Variants in CTCF observed in about 807,000 individuals in gnomAD.
CTCF encodes the protein transcriptional repressor CTCF.
CTCF carries 7 observed loss-of-function variants against 72.3 expected under a neutral mutation model. The observed-to-expected ratio is 0.10, with a 90% confidence interval of 0.06 to 0.18. The LOEUF (loss-of-function observed/expected upper bound fraction) is 0.18, where lower values mean the gene tolerates loss of function less well. Ranked by LOEUF, CTCF falls within the 10% of genes least tolerant of loss-of-function variation. The pLI, the probability that CTCF is intolerant of heterozygous loss-of-function variation, is 1.00. For missense variants in CTCF, 516 were observed against 949.1 expected (o/e 0.54, Z 6.00); for synonymous variants, 374 against 315.8 (o/e 1.18, Z -1.95).
At chr16:67,622,316 A>G (rs1158501069) in intron 7 of CTCF, among the ~76,000 whole-genome samples, 2 of 151,580 alleles carry the variant, frequency 1.3e-5, no homozygotes, top group South Asian at 2.1e-4. Flanking sequence ...AGATCACGCC[A>G]CCGCACTCCA....
chr16:67,576,476 T>C (rs929204416), intron 2 of CTCF, among the ~76,000 whole-genome samples: 4 of 151,868 alleles, frequency 2.6e-5, no homozygotes, highest in Admixed American at 1.3e-4. Context: ...TAAAGCAGAA[T>C]TACCAAAATC....
Position 67,590,333 on chromosome 16 carries a change from ATTGTT to A in CTCF, c.-10+19078_-10+19082del, listed in dbSNP as rs369263294. On this transcript the variant is annotated intron_variant, in intron 2 of 11. Transcript: ENST00000264010. ...CTTTCTTCAAGTAGCTGTTAGAATA[ATTGTT>A]TTGTTTTGACCATACCCTTTAATAT... Among the ~76,000 whole-genome samples the A allele has an allele frequency of 6.2e-4, 94 of 152,106 alleles. 1 individual carries two copies. The highest frequency in any genetic ancestry group is 2.1e-3 in the African/African-American group (86 of 41,534).
chr16:67,626,751 C>T lies in CTCF; in HGVS notation c.1518+36C>T, dbSNP rs376387075. 60 of 1,362,012 alleles carry T rather than the reference C, an allele frequency of 4.4e-5. No individual in the cohort carries two copies. In the African/African-American group the frequency reaches 8.3e-4, roughly 19 times the overall value. 84.4% of individuals were successfully genotyped at this position (1,362,012 alleles called of 1,614,324 possible). The stretch of plus-strand genomic sequence containing the variant: ...TCATTGAAAGTTGTTGGTGCTTTCT[C>T]GGTGTCTGGTGTTATCAGAGGGCAT... On this transcript the variant is annotated intron_variant, in intron 8 of 11. Transcript: ENST00000264010.
intron 10 of CTCF, among the ~76,000 whole-genome samples, chr16:67,631,019 G>C (rs778687979): frequency 1.3e-5 from 2 of 152,142 alleles, no homozygotes; most frequent in African/African-American, 2.4e-5. Flanking sequence ...GATGATGCCT[G>C]ATAGTCTAGG....
intron 10 of CTCF, among the ~76,000 whole-genome samples, chr16:67,631,165 G>T (rs28433364): frequency 0.52 from 68,014 of 129,632 alleles, 19,105 homozygotes; most frequent in African/African-American, 0.78. Flanking sequence ...TTTTTTTTTT[G>T]TTTTTTGTTT....
chr16:67,589,054 G>A (rs1028270364), intron 2 of CTCF, among the ~76,000 whole-genome samples: 7 of 152,070 alleles, frequency 4.6e-5, no homozygotes, highest in African/African-American at 9.7e-5. Context: ...CATGTTGGGA[G>A]GCTGAGGCAG....
At position 67,626,631 on chromosome 16, in the gene CTCF, G is replaced by A; in HGVS notation, c.1434G>A (p.Glu478=). 6.3e-7 allele frequency: 1 copy of A among 1,580,042 alleles called. No individual in the cohort carries two copies. The highest frequency in any genetic ancestry group is 1.1e-5 in the South Asian group (1 of 86,964). The change falls in exon 8 of 12, where the codon GAG becomes GAA. Residue 478 remains glutamate (E), a synonymous_variant. Coordinates refer to ENST00000264010, the MANE Select transcript of CTCF (RefSeq NM_006565.4). ...KCRYCDAVFH[E]RYALIQHQKS... is the part of the protein sequence containing the mutation. ...GTTACTGTGATGCTGTGTTTCATGA[G>A]CGCTATGCCCTCATCCAGCATCAGA... is the stretch of plus-strand genomic sequence containing the variant.
intron 2 of CTCF, among the ~76,000 whole-genome samples, chr16:67,571,526 C>G (rs2051419959): frequency 6.6e-6 from 1 of 152,200 alleles, no homozygotes; most frequent in African/African-American, 2.4e-5. Context: ...ATCTCAGAGA[C>G]TATTCTCCGT....
intron 4 of CTCF, chr16:67,616,421 G>A: frequency 4.4e-6 from 1 of 226,986 alleles, no homozygotes; most frequent in South Asian, 7.8e-5. Context: ...ACCAAGCCCG[G>A]TCTCTATTAA....
rs2142839321 is a variant in CTCF at position 67,616,754 on chromosome 16, C to T, written c.962C>T (p.Pro321Leu). 1 of 1,614,170 alleles carries T rather than the reference C, an allele frequency of 6.2e-7. No homozygotes were observed. Among genetic ancestry groups the T allele is most frequent in the Non-Finnish European group, 8.5e-7 (1 of 1,180,012 alleles). Residue 321 changes from proline (P) to leucine (L), a missense_variant, in exon 5 of 12, where the codon CCT becomes CTT. Transcript: ENST00000264010. ...TCCATCCTTTCTCTAGGTACTCGTC[C>T]TCACAAGTGCCCAGACTGCGACATG... ...NHLNTHTGTR[P>L]HKCPDCDMAF...
Position 67,603,843 on chromosome 16 carries a change from T to TA in CTCF, c.-9-6980dup, listed in dbSNP as rs2051932515. 2.8e-5 allele frequency among the ~76,000 whole-genome samples: 4 copies of TA among 141,964 alleles called. No homozygotes were observed. In the Admixed American group the frequency reaches 2.8e-4, roughly 10 times the overall value. 93.1% of individuals were successfully genotyped at this position (141,964 alleles called of 152,430 possible). On this transcript the variant is annotated intron_variant, in intron 2 of 11. Transcript: ENST00000264010. ...CTGTCTCAAAAAAAAAAAAAAAAATTAGAGGCCAGGCACGGTGGTTTATGC... is the reference window on the plus strand; with the variant it reads ...CTGTCTCAAAAAAAAAAAAAAAAATTAAGAGGCCAGGCACGGTGGTTTATGC...
chr16:67,602,629 G>A (rs2051908992), intron 2 of CTCF, among the ~76,000 whole-genome samples: 1 of 151,864 alleles, frequency 6.6e-6, no homozygotes, highest in South Asian at 2.1e-4. Context: ...ATTACCTGAG[G>A]TCAGGAGTTC....
chr16:67,624,383 G>T (rs1402057299), intron 7 of CTCF, among the ~76,000 whole-genome samples: 1 of 151,732 alleles, frequency 6.6e-6, no homozygotes, highest in African/African-American at 2.4e-5. Context: ...ATGTAGTGAA[G>T]ACTCCTTTCC....
chr16:67,633,780 T>TCACA (rs2052394416), intron 10 of CTCF, among the ~76,000 whole-genome samples: 2 of 123,502 alleles, frequency 1.6e-5, no homozygotes, highest in Admixed American at 1.7e-4. Context: ...TCTTGTCCCC[T>TCACA]GACACACACA....
rs146999240 is a variant in CTCF at position 67,574,198 on chromosome 16, C to A, written c.-10+2934C>A. The stretch of plus-strand genomic sequence containing the variant: ...GACCACCTGTCCTTCCTACCAGTCA[C>A]AAGCCCATTCCTTCAGAGCTTCTGA... On this transcript the variant is annotated intron_variant, in intron 2 of 11. Coordinates refer to ENST00000264010, the MANE Select transcript of CTCF (RefSeq NM_006565.4). Among the ~76,000 whole-genome samples, 58 of 152,288 alleles carry A rather than the reference C, an allele frequency of 3.8e-4. 2 individuals carry two copies. In the South Asian group the frequency reaches 0.012, roughly 32 times the overall value.
At chr16:67,585,752 CAG>C (rs1420353705) in intron 2 of CTCF, among the ~76,000 whole-genome samples, 1 of 152,156 alleles carries the variant, frequency 6.6e-6, no homozygotes, top group Admixed American at 6.6e-5. Context: ...TCTTCTATAA[CAG>C]AAGATATCCT....
chr16:67,602,658 A>T (rs951694630), intron 2 of CTCF, among the ~76,000 whole-genome samples: 1 of 152,008 alleles, frequency 6.6e-6, no homozygotes, highest in Non-Finnish European at 1.5e-5. Context: ...CCTGACCAAC[A>T]TGGAGAAACC....
At chr16:67,628,013 T>C (rs1378543305) in intron 8 of CTCF, 1 of 182,090 alleles carries the variant, frequency 5.5e-6, no homozygotes, top group Non-Finnish European at 1.1e-5. Context: ...GAGAATTGCT[T>C]GAATCCGGGA....
chr16:67,599,294 C>A (rs1289523367), intron 2 of CTCF, among the ~76,000 whole-genome samples: 2 of 152,154 alleles, frequency 1.3e-5, no homozygotes, highest in Admixed American at 6.6e-5. Flanking sequence ...GCTCAGGAGG[C>A]TGAGGCAAGA....
Sources: allele counts gnomAD v4.1 joint callset (sites outside exome capture counted in the v4.1 genomes callset), GRCh38; gene constraint gnomAD v4.1.1; transcripts MANE v1.5; gene names NCBI Gene and HGNC (gene_info 2026-07-23, HGNC 2026-07-21).